Variants in KDM2B observed in about 807,000 individuals in gnomAD.
The protein encoded by KDM2B is lysine-specific demethylase 2B.
A neutral mutation model predicts 150.0 loss-of-function variants in KDM2B; 26 were observed. The observed-to-expected ratio is 0.17, with a 90% CI of 0.13 to 0.24. The LOEUF is 0.24. KDM2B is among the 10% of genes least tolerant of loss of function. The pLI, the probability that KDM2B is intolerant of heterozygous loss-of-function variation, is 1.00. For missense variants in KDM2B, 1,265 were observed against 1,816.9 expected (o/e 0.70, Z 5.52); for synonymous variants, 734 against 729.5 (o/e 1.01, Z -0.10).
chr12:121,466,618 C>T (rs1345214451), intron 12 of KDM2B, among the ~76,000 whole-genome samples: 3 of 151,196 alleles, frequency 2.0e-5, no homozygotes, highest in African/African-American at 7.3e-5. Context: ...CCACGGCGGG[C>T]GGCGGGCGCG....
the KDM2B span, among the ~76,000 whole-genome samples, chr12:121,422,990 G>A: frequency 2.0e-5 from 3 of 152,218 alleles, no homozygotes; most frequent in Middle Eastern, 3.4e-3. Context: ...ACAAAGCTGG[G>A]GCAACTGAGT....
In KDM2B at chr12:121,444,713, T is replaced by C. The variant is rs1294644630; in HGVS notation, c.2104-177A>G. The C allele has an allele frequency of 2.7e-5, 17 of 636,338 alleles. No individual in the cohort carries two copies. The East Asian group carries it at 4.1e-4, about 15-fold the overall frequency. 39.4% of individuals were successfully genotyped at this position (636,338 alleles called of 1,614,324 possible). A position where few individuals can be genotyped will look rare whatever the true frequency, so the allele number is the denominator to read the frequency against. ...AGAGGCTGGCAGAGACGGGCAGCTG[T>C]GGATCCAGGCCAGGGTTCAGAGGCT... On this transcript the variant is annotated intron_variant, in intron 14 of 22. Transcript: ENST00000377071.
Position 121,442,061 on chromosome 12 carries a change from G to T in KDM2B, c.3284+96C>A. On this transcript the variant is annotated intron_variant, in intron 19 of 22. Coordinates refer to ENST00000377071, the MANE Select transcript of KDM2B (RefSeq NM_032590.5). This position sits in a 1 kb window ranked among gnomAD's most constrained non-coding sequence, Gnocchi z 7.7. Reference sequence around the variant, plus strand: ...GCACAATGAAGCCATACTGGGGTTTGGAAGGAAAGAGCATCGCCAGCGACT... The same window carrying T: ...GCACAATGAAGCCATACTGGGGTTTTGAAGGAAAGAGCATCGCCAGCGACT... The T allele has an allele frequency of 1.9e-6, 2 of 1,029,802 alleles. No individual in the cohort carries two copies. Among genetic ancestry groups the T allele is most frequent in the Non-Finnish European group, 3.0e-6 (2 of 675,306 alleles). 63.8% of individuals were successfully genotyped at this position (1,029,802 alleles called of 1,614,324 possible). A position where few individuals can be genotyped will look rare whatever the true frequency, so the allele number is the denominator to read the frequency against.
At chr12:121,446,201 C>T (rs907296516) in intron 13 of KDM2B, among the ~76,000 whole-genome samples, 1 of 152,090 alleles carries the variant, frequency 6.6e-6, no homozygotes, top group Admixed American at 6.5e-5. Flanking sequence ...CGAGACCATC[C>T]CGGCTACCAC....
Position 121,509,729 on chromosome 12 carries a change from G to A in KDM2B, c.1485C>T (p.Thr495=), listed in dbSNP as rs782575712. Residue 495 remains threonine (T), a synonymous_variant, in exon 11 of 23, where the codon ACC becomes ACT. Coordinates refer to ENST00000377071, the MANE Select transcript of KDM2B (RefSeq NM_032590.5). The part of the protein sequence containing the change: ...TLAVDYPKTP[T]GSPATEVSAK... ...CAGAGACCTCCGTGGCGGGAGAGCC[G>A]GTGGGGGTCTTGGGGTAGTCTACGG... 1.3e-5 allele frequency: 21 copies of A among 1,614,018 alleles called. No individual in the cohort carries two copies. The Admixed American group carries it at 2.7e-4, about 20-fold the overall frequency.
rs376730320 is a variant in KDM2B at position 121,433,553 on chromosome 12, C to T, written c.3830-3084G>A. ...AAATTTAACCAAGGAAGAACTTGTA[C>T]TTTGAAGACTATAAAGCATTGCTGA... On this transcript the variant is annotated intron_variant, in intron 22 of 22. Transcript: ENST00000377071. Among the ~76,000 whole-genome samples, 156 of 152,208 alleles carry T rather than the reference C, an allele frequency of 1.0e-3. No individual in the cohort carries two copies. In the South Asian group the frequency reaches 0.024, roughly 24 times the overall value.
At chr12:121,425,408 A>G (rs1301962310), downstream of KDM2B, among the ~76,000 whole-genome samples, 1 of 151,954 alleles carries the variant, frequency 6.6e-6, no homozygotes, top group African/African-American at 2.4e-5. Flanking sequence ...TTGAGTTGAG[A>G]CCAACTGTCA....
At chr12:121,576,939 C>T (rs914333353) in intron 2 of KDM2B, among the ~76,000 whole-genome samples, 6 of 152,188 alleles carry the variant, frequency 3.9e-5, no homozygotes, top group Non-Finnish European at 8.8e-5. Context: ...GAACAAAACC[C>T]AAAGCCGGGG....
chr12:121,504,916 A>G (rs1884911335), intron 11 of KDM2B, among the ~76,000 whole-genome samples: 1 of 152,104 alleles, frequency 6.6e-6, no homozygotes, highest in Non-Finnish European at 1.5e-5. Context: ...GGAGATCGAG[A>G]CCATCCTAGC....
chr12:121,567,245 T>C (rs577962681), intron 4 of KDM2B, among the ~76,000 whole-genome samples: 10 of 152,356 alleles, frequency 6.6e-5, no homozygotes, highest in Non-Finnish European at 1.3e-4. Context: ...AAAAGTCTTA[T>C]AGTCTGAATT....
intron 2 of KDM2B, among the ~76,000 whole-genome samples, chr12:121,576,629 C>T (rs1208125125): frequency 1.3e-5 from 2 of 152,112 alleles, no homozygotes; most frequent in African/African-American, 4.8e-5. Flanking sequence ...AAATCCTTAC[C>T]CAAAGTCCTG....
intron 13 of KDM2B, among the ~76,000 whole-genome samples, chr12:121,446,250 T>G (rs1876221808): frequency 6.6e-6 from 1 of 151,804 alleles, no homozygotes; most frequent in Non-Finnish European, 1.5e-5. Context: ...AAAAAGAAAT[T>G]AGCCGGGCGT....
At chr12:121,532,155 G>A (rs1296853602) in intron 8 of KDM2B, among the ~76,000 whole-genome samples, 1 of 129,146 alleles carries the variant, frequency 7.7e-6, no homozygotes, top group Admixed American at 7.7e-5. Flanking sequence ...CCTATGTGTG[G>A]CCTGACCCCC....
intron 4 of KDM2B, among the ~76,000 whole-genome samples, chr12:121,562,793 C>T (rs1173819749): frequency 1.3e-5 from 2 of 152,060 alleles, no homozygotes; most frequent in African/African-American, 4.8e-5. Context: ...CTGTGAGGTT[C>T]GATCCCTCCA....
rs1885767640 is a variant in KDM2B at position 121,513,513 on chromosome 12, T to A, written c.1048-111A>T. 5 of 1,223,056 alleles carry A rather than the reference T, an allele frequency of 4.1e-6. No homozygotes were observed. The East Asian group carries it at 1.2e-4, about 29-fold the overall frequency. 75.8% of individuals were successfully genotyped at this position (1,223,056 alleles called of 1,614,324 possible). A position where few individuals can be genotyped will look rare whatever the true frequency, so the allele number is the denominator to read the frequency against. ...GCAGGTGAGGGTCACTGTCATCATCTTAGCGAGAGCATGGATGGTCGGGGG... is the reference window on the plus strand; with the variant it reads ...GCAGGTGAGGGTCACTGTCATCATCATAGCGAGAGCATGGATGGTCGGGGG... On this transcript the variant is annotated intron_variant, in intron 9 of 22. Transcript: ENST00000377071. The surrounding 1 kb of genome is among the most constrained non-coding windows in gnomAD (Gnocchi z 5.0).
At chr12:121,476,466 AGTTTTTT>A (rs1218387434) in intron 12 of KDM2B, among the ~76,000 whole-genome samples, 66 of 151,890 alleles carry the variant, frequency 4.3e-4, no homozygotes, top group Admixed American at 1.1e-3. Flanking sequence ...TCCAACAGGT[AGTTTTTT>A]GTTTTTTGTT....
intron 13 of KDM2B, among the ~76,000 whole-genome samples, chr12:121,450,185 G>T (rs540574498): frequency 1.1e-4 from 16 of 152,080 alleles, no homozygotes; most frequent in Middle Eastern, 3.4e-3. Flanking sequence ...GTGGAGGTAT[G>T]TGCCTGTAAC....
chr12:121,432,101 T>A (rs10774595), intron 22 of KDM2B, among the ~76,000 whole-genome samples: 52,150 of 151,606 alleles, frequency 0.34, 9,670 homozygotes, highest in East Asian at 0.44. Flanking sequence ...AGGCTGGTCT[T>A]GAACTCCTGA....
the KDM2B span, chr12:121,418,041 A>C: frequency 3.1e-6 from 3 of 982,898 alleles, no homozygotes; most frequent in African/African-American, 1.6e-5. Context: ...TTCCACACCC[A>C]GCTGAACTCT....
Sources: gnomAD v4.1 joint callset for allele counts (sites outside exome capture counted in the v4.1 genomes callset) on GRCh38, gnomAD v4.1.1 for gene constraint, Gnocchi (gnomAD v3.1) non-coding constraint, MANE v1.5 for transcripts, NCBI Gene and HGNC (gene_info 2026-07-23, HGNC 2026-07-21) for gene names.